Variants in ERC1 observed in about 807,000 individuals in gnomAD.
ERC1 encodes the protein RAB6 interacting protein 2.
Under a neutral mutation model 132.0 loss-of-function variants are expected in ERC1, and 56 were observed. The ratio of observed to expected loss-of-function variants is 0.42; its 90% CI spans 0.34 to 0.53. The LOEUF is 0.53. Ranked by LOEUF, ERC1 falls within the 20% of genes least tolerant of loss-of-function variation. The pLI is 0.03. For missense variants in ERC1, 1,202 were observed against 1,349.9 expected, an observed-to-expected ratio of 0.89 and a Z score of 1.72; for synonymous variants, 478 against 476.1, an observed-to-expected ratio of 1.00 and a Z score of -0.05.
intron 11 of ERC1, among the ~76,000 whole-genome samples, chr12:1,188,455 G>A (rs1351500737): frequency 1.3e-5 from 2 of 152,114 alleles, no homozygotes; most frequent in Non-Finnish European, 2.9e-5. Flanking sequence ...CAAAAACTGG[G>A]AAACCACGTG....
intron 15 of ERC1, among the ~76,000 whole-genome samples, chr12:1,323,076 G>A (rs889869487): frequency 7.2e-5 from 11 of 152,104 alleles, no homozygotes; most frequent in African/African-American, 1.2e-4. Context: ...GTAATCTTAT[G>A]TCTTATAAAA....
At chr12:1,347,135 C>T (rs1401961114) in intron 15 of ERC1, among the ~76,000 whole-genome samples, 1 of 152,114 alleles carries the variant, frequency 6.6e-6, no homozygotes, top group Non-Finnish European at 1.5e-5. Flanking sequence ...CATGGACCTT[C>T]GTTGAAATGC....
intron 8 of ERC1, among the ~76,000 whole-genome samples, chr12:1,159,365 C>T (rs1342973556): frequency 1.3e-5 from 2 of 152,102 alleles, no homozygotes; most frequent in Admixed American, 6.6e-5. Flanking sequence ...GTAGGATTCA[C>T]GCTCTTGTGA....
intron 17 of ERC1, among the ~76,000 whole-genome samples, chr12:1,440,293 C>G (rs1192254354): frequency 6.8e-6 from 1 of 147,492 alleles, no homozygotes; most frequent in African/African-American, 2.6e-5. Context: ...CAAGCTCCGC[C>G]TCCTGGGTTC....
intron 3 of ERC1, among the ~76,000 whole-genome samples, chr12:1,102,475 G>C (rs938533191): frequency 3.3e-5 from 5 of 152,118 alleles, no homozygotes; most frequent in Non-Finnish European, 5.9e-5. Context: ...TATGTAAGCT[G>C]TGTAGCATGC....
At chr12:1,437,532 T>A (rs554828681) in intron 17 of ERC1, among the ~76,000 whole-genome samples, 1 of 152,320 alleles carries the variant, frequency 6.6e-6, no homozygotes, top group South Asian at 2.1e-4. Flanking sequence ...CCCCTAACAG[T>A]CTGTTCCCTA....
intron 17 of ERC1, among the ~76,000 whole-genome samples, chr12:1,410,015 A>G (rs2091751299): frequency 6.6e-6 from 1 of 152,068 alleles, no homozygotes; most frequent in African/African-American, 2.4e-5. Context: ...GGCCCCTCCC[A>G]TATACTTTAA....
chr12:1,419,282 T>C (rs2092326892), intron 17 of ERC1, among the ~76,000 whole-genome samples: 1 of 152,122 alleles, frequency 6.6e-6, no homozygotes, highest in African/African-American at 2.4e-5. Context: ...ACTATTCTCC[T>C]AAGTGTTGAC....
chr12:1,352,214 T>G (rs1238476286), intron 15 of ERC1, among the ~76,000 whole-genome samples: 1 of 152,202 alleles, frequency 6.6e-6, no homozygotes, highest in Non-Finnish European at 1.5e-5. Context: ...AGGATAGCAT[T>G]TCAAGATTGA....
At chr12:1,301,270 A>G (rs2080377471) in intron 15 of ERC1, among the ~76,000 whole-genome samples, 1 of 152,192 alleles carries the variant, frequency 6.6e-6, no homozygotes, top group Non-Finnish European at 1.5e-5. Flanking sequence ...TGGGTGCACT[A>G]AAATCTTAGA....
At chr12:1,208,957 A>ATTTTTTTGTTTTTTTTTTTTTTTTT (rs1957594530) in intron 12 of ERC1, among the ~76,000 whole-genome samples, 1 of 71,610 alleles carries the variant, frequency 1.4e-5, no homozygotes, top group African/African-American at 6.3e-5. Context: ...CGCCCAGCTG[A>ATTTTTTTGTTTTTTTTTTTTTTTTT]TTTTTTTTTT....
chr12:1,116,282 A>C (rs1391959351), intron 7 of ERC1: 1 of 341,390 alleles, frequency 2.9e-6, no homozygotes, highest in Non-Finnish European at 5.3e-6. Context: ...CTGTACTTCA[A>C]AGTATACTCT....
intron 3 of ERC1, among the ~76,000 whole-genome samples, chr12:1,104,275 G>A (rs61912134): frequency 0.18 from 26,741 of 152,088 alleles, 2,867 homozygotes; most frequent in Non-Finnish European, 0.24. Context: ...TGGTTATTCT[G>A]GGGGTGGATG....
intron 8 of ERC1, among the ~76,000 whole-genome samples, chr12:1,165,879 G>T (rs1952374165): frequency 6.6e-6 from 1 of 152,138 alleles, no homozygotes; most frequent in Non-Finnish European, 1.5e-5. Context: ...TATTTACAAT[G>T]TTGTGCAACC....
chr12:1,131,924 G>A (rs4511332), intron 7 of ERC1, among the ~76,000 whole-genome samples: 84,762 of 152,048 alleles, frequency 0.56, 25,764 homozygotes, highest in East Asian at 0.78. Context: ...CAAGTTGGGC[G>A]AATGCTGTTC....
chr12:1,486,194 A>G (rs1448802350), intron 18 of ERC1, among the ~76,000 whole-genome samples: 2 of 152,248 alleles, frequency 1.3e-5, no homozygotes, highest in Non-Finnish European at 2.9e-5. Flanking sequence ...ATACTTCAGT[A>G]TAAATGTTAG....
chr12:1,408,499 AAATT>A (rs1268076447), intron 17 of ERC1, among the ~76,000 whole-genome samples: 9 of 152,362 alleles, frequency 5.9e-5, no homozygotes, highest in African/African-American at 2.2e-4. Context: ...GTTGAGAAAA[AAATT>A]AACCTCAGAG....
At chr12:1,336,691 G>T (rs934136778) in intron 15 of ERC1, among the ~76,000 whole-genome samples, 2 of 152,164 alleles carry the variant, frequency 1.3e-5, no homozygotes, top group African/African-American at 4.8e-5. Flanking sequence ...TAGAGTATGT[G>T]CCATGCGAAG....
At chr12:1,447,045 A>G (rs1039306578) in intron 18 of ERC1, among the ~76,000 whole-genome samples, 1 of 150,952 alleles carries the variant, frequency 6.6e-6, no homozygotes, top group African/African-American at 2.5e-5. Context: ...AAAAAAAAGG[A>G]CAGTATTAAA....
Sources: allele counts gnomAD v4.1 joint callset (sites outside exome capture counted in the v4.1 genomes callset), GRCh38; gene constraint gnomAD v4.1.1; transcripts MANE v1.5; gene names NCBI Gene and HGNC (gene_info 2026-07-23, HGNC 2026-07-21).